The following LCLAT1 variants were observed in gnomAD, a reference collection of about 807,000 sequenced individuals.
LCLAT1 encodes lysocardiolipin acyltransferase 1.
A neutral mutation model predicts 30.7 loss-of-function variants in LCLAT1; 11 were observed. That is an observed-to-expected ratio of 0.36 (90% CI 0.23 to 0.59). The LOEUF (loss-of-function observed/expected upper bound fraction) is 0.59, where lower values mean the gene tolerates loss of function less well. LCLAT1 is among the 20% of genes least tolerant of loss of function. The pLI, the probability that LCLAT1 is intolerant of heterozygous loss-of-function variation, is 0.77. For missense variants in LCLAT1, 402 were observed against 458.6 expected (o/e 0.88, Z 1.13); for synonymous variants, 155 against 151.3 (o/e 1.02, Z -0.18).
At chr2:30,518,230 C>T (rs1382946143) in intron 1 of LCLAT1, among the ~76,000 whole-genome samples, 1 of 152,130 alleles carries the variant, frequency 6.6e-6, no homozygotes, top group Non-Finnish European at 1.5e-5. Flanking sequence ...AGCAGATTTC[C>T]TAACGGGATT....
chr2:30,562,474 C>A (rs1572629559), intron 4 of LCLAT1, among the ~76,000 whole-genome samples, 182 bp downstream of exon 4: 1 of 151,990 alleles, frequency 6.6e-6, no homozygotes, highest in African/African-American at 2.4e-5. Context: ...AGTTTGAGAC[C>A]AGCCTGAGCT....
intron 5 of LCLAT1, among the ~76,000 whole-genome samples, chr2:30,632,936 G>C (rs1002305283): frequency 6.6e-6 from 1 of 152,206 alleles, no homozygotes; most frequent in Non-Finnish European, 1.5e-5. Context: ...AAATGGTACT[G>C]TTTGAGCCTT....
At chr2:30,577,172 A>G (rs2148461443) in intron 5 of LCLAT1, among the ~76,000 whole-genome samples, 1 of 151,942 alleles carries the variant, frequency 6.6e-6, no homozygotes, top group South Asian at 2.1e-4. Context: ...CTGACTGCTA[A>G]AAAGCATGCA....
chr2:30,586,065 C>A (rs371298433), intron 5 of LCLAT1, among the ~76,000 whole-genome samples: 1 of 152,014 alleles, frequency 6.6e-6, no homozygotes, highest in Non-Finnish European at 1.5e-5. Flanking sequence ...ACACGTGAAA[C>A]CCCATCTCTA....
At chr2:30,476,510 C>G in intron 1 of LCLAT1, 2 of 456,480 alleles carry the variant, frequency 4.4e-6, no homozygotes, top group Non-Finnish European at 8.8e-6. Flanking sequence ...TGCAGGGGAT[C>G]TAGGTTGCAT....
chr2:30,469,621 C>CAGGGTGG (rs1682669893), intron 1 of LCLAT1, among the ~76,000 whole-genome samples: 1 of 148,266 alleles, frequency 6.7e-6, no homozygotes, highest in African/African-American at 2.5e-5. Context: ...CTCTGTCACC[C>CAGGGTGG]AGGGTGGAGT....
chr2:30,587,878 G>A (rs186112100), intron 5 of LCLAT1, among the ~76,000 whole-genome samples: 1 of 152,224 alleles, frequency 6.6e-6, no homozygotes, highest in Admixed American at 6.5e-5. Flanking sequence ...CAGTCTTTAA[G>A]TGTTGTAGTA....
intron 1 of LCLAT1, among the ~76,000 whole-genome samples, chr2:30,516,526 G>A (rs1287795489): frequency 6.6e-6 from 1 of 152,128 alleles, no homozygotes; most frequent in Non-Finnish European, 1.5e-5. Context: ...TGGGTTCCAC[G>A]GTTCTGTTCT....
intron 1 of LCLAT1, among the ~76,000 whole-genome samples, chr2:30,468,851 C>G (rs1473699253): frequency 6.6e-6 from 1 of 152,148 alleles, no homozygotes; most frequent in Non-Finnish European, 1.5e-5. Flanking sequence ...TGAGAAACTG[C>G]TATTTTACAT....
At chr2:30,633,095 A>C (rs558950951) in intron 5 of LCLAT1, among the ~76,000 whole-genome samples, 1 of 152,216 alleles carries the variant, frequency 6.6e-6, no homozygotes, top group African/African-American at 2.4e-5. Flanking sequence ...CCAATCTGTC[A>C]TGCTTTATTA....
rs760622200 is a variant in LCLAT1, at chr2:30,461,770, C to CCTTTTTTTTTTTTTTTTTTTTTTTTTTT, written c.-5+14387_-5+14388insCTTTTTTTTTTTTTTTTTTTTTTTTTTT. Among the ~76,000 whole-genome samples the CCTTTTTTTTTTTTTTTTTTTTTTTTTTT allele has an allele frequency of 1.2e-3, 154 of 131,752 alleles. 15 individuals are homozygous for CCTTTTTTTTTTTTTTTTTTTTTTTTTTT. Among genetic ancestry groups the CCTTTTTTTTTTTTTTTTTTTTTTTTTTT allele is most frequent in the Middle Eastern group, 4.1e-3 (1 of 242 alleles). The allele number at this position is 131,752 out of a possible 152,430, so 86.4% of individuals were successfully genotyped here. On this transcript the variant is annotated intron_variant, in intron 1 of 5. Transcript: ENST00000379509. ...TGTGGACCACTTTTTCTAAATTAAA[C>CCTTTTTTTTTTTTTTTTTTTTTTTTTTT]TTTTTTTTTTTTTTTTTTGAGACGG...
intron 5 of LCLAT1, among the ~76,000 whole-genome samples, chr2:30,570,221 C>T (rs1665721698): frequency 6.6e-6 from 1 of 152,106 alleles, no homozygotes; most frequent in Non-Finnish European, 1.5e-5. Context: ...ATTTTTCCTG[C>T]CAGTTGTGAC....
chr2:30,577,218 C>G (rs1215081572), intron 5 of LCLAT1, among the ~76,000 whole-genome samples: 2 of 151,940 alleles, frequency 1.3e-5, no homozygotes, highest in African/African-American at 4.8e-5. Context: ...CTGAGCAAAA[C>G]TAGTCCAGGT....
intron 5 of LCLAT1, among the ~76,000 whole-genome samples, chr2:30,592,248 G>A (rs1297491214): frequency 6.6e-6 from 1 of 152,194 alleles, no homozygotes; most frequent in Non-Finnish European, 1.5e-5. Flanking sequence ...TGATAGGAAA[G>A]CATTATTTTT....
intron 5 of LCLAT1, among the ~76,000 whole-genome samples, chr2:30,574,969 G>A (rs1202583896): frequency 6.6e-6 from 1 of 152,168 alleles, no homozygotes; most frequent in Non-Finnish European, 1.5e-5. Context: ...CACATAGTAA[G>A]TGGACCATTG....
intron 5 of LCLAT1, among the ~76,000 whole-genome samples, chr2:30,575,864 T>C (rs1415182023): frequency 6.6e-6 from 1 of 152,184 alleles, no homozygotes; most frequent in African/African-American, 2.4e-5. Context: ...TCTGTACCAC[T>C]TGACTTCAAT....
chr2:30,642,552 AGAG>A lies in LCLAT1; in HGVS notation c.*1937_*1939del, dbSNP rs1669374389. 1 of 152,082 alleles carries A rather than the reference AGAG, an allele frequency of 6.6e-6. No homozygotes were observed. The highest frequency in any genetic ancestry group is 1.5e-5 in the Non-Finnish European group (1 of 68,002). 9.4% of individuals were successfully genotyped at this position (152,082 alleles called of 1,614,324 possible). On this transcript the variant is annotated 3_prime_UTR_variant, in exon 6 of 6. Coordinates refer to ENST00000379509, the MANE Select transcript of LCLAT1 (RefSeq NM_001002257.3). ...CAGGATTGCATTTGTGCTGGGTAAA[AGAG>A]GAGAGCTGTGCTTTCTACCCCAAAG... is the stretch of plus-strand genomic sequence containing the variant.
chr2:30,506,473 A>T (rs1684667106), intron 1 of LCLAT1, among the ~76,000 whole-genome samples: 1 of 152,142 alleles, frequency 6.6e-6, no homozygotes. Flanking sequence ...TTTAATTAAT[A>T]GTCGCTTCCT....
intron 1 of LCLAT1, among the ~76,000 whole-genome samples, chr2:30,493,960 C>T (rs541707174): frequency 5.9e-5 from 9 of 152,068 alleles, no homozygotes; most frequent in African/African-American, 2.2e-4. Context: ...CAAGACCAGC[C>T]TGGTCAACAT....
Sources: gnomAD v4.1 joint callset for allele counts (sites outside exome capture counted in the v4.1 genomes callset) on GRCh38, gnomAD v4.1.1 for gene constraint, MANE v1.5 for transcripts, NCBI Gene and HGNC (gene_info 2026-07-23, HGNC 2026-07-21) for gene names.